The following ORC4 variants were observed in gnomAD, a reference collection of about 807,000 sequenced individuals.
ORC4 encodes the protein origin recognition complex, subunit 4 homolog.
A neutral mutation model predicts 63.9 loss-of-function variants in ORC4; 55 were observed. The ratio of observed to expected loss-of-function variants is 0.86; its 90% CI spans 0.69 to 1.08. The LOEUF (loss-of-function observed/expected upper bound fraction) is 1.08, where lower values mean the gene tolerates loss of function less well. Among genes scored for constraint, ORC4 ranks in the 50% least tolerant of loss-of-function variants. The pLI is 0.00. For missense variants in ORC4, 511 were observed against 504.4 expected (o/e 1.01, Z -0.13); for synonymous variants, 150 against 168.5 (o/e 0.89, Z 0.85).
Position 147,958,806 on chromosome 2 carries a change from G to T in ORC4, c.286C>A (p.Gln96Lys). Reference protein sequence around the residue: ...EIEEVSENVLQVHLNGLLQIN... With the variant: ...EIEEVSENVLKVHLNGLLQIN... Reference sequence around the variant, plus strand: ...GCATACTTACCATTTAAGTGAACTTGTAATACATTTTCACTCACTTCTTCT... The same window carrying T: ...GCATACTTACCATTTAAGTGAACTTTTAATACATTTTCACTCACTTCTTCT... The change falls in exon 5 of 14, where the codon CAA becomes AAA. Residue 96 changes from glutamine (Q) to lysine (K), a missense_variant. Coordinates refer to ENST00000392857, the MANE Select transcript of ORC4 (RefSeq NM_181741.4). 1 of 1,457,686 alleles carries T rather than the reference G, an allele frequency of 6.9e-7. No individual in the cohort carries two copies. The highest frequency in any genetic ancestry group is 1.7e-4 in the Middle Eastern group (1 of 5,764). The allele number at this position is 1,457,686 out of a possible 1,614,324, so 90.3% of individuals were successfully genotyped here.
intron 4 of ORC4, among the ~76,000 whole-genome samples, chr2:147,965,201 GA>G (rs1689831513): frequency 6.6e-6 from 1 of 151,930 alleles, no homozygotes; most frequent in Non-Finnish European, 1.5e-5. Context: ...CACCCAACTG[GA>G]AAAATAAATG....
At chr2:147,983,433 C>T (rs1691006189) in intron 1 of ORC4, among the ~76,000 whole-genome samples, 1 of 152,140 alleles carries the variant, frequency 6.6e-6, no homozygotes, top group Admixed American at 6.5e-5. Flanking sequence ...TGGACAATGC[C>T]CCTGGCTACC....
At chr2:147,966,365 A>G (rs1394800686) in intron 4 of ORC4, among the ~76,000 whole-genome samples, 1 of 152,106 alleles carries the variant, frequency 6.6e-6, no homozygotes, top group Admixed American at 6.5e-5. Flanking sequence ...CTAGAAAAGA[A>G]CAAACCAAAC....
intron 1 of ORC4, among the ~76,000 whole-genome samples, chr2:148,011,872 A>C (rs1573901539): frequency 6.6e-6 from 1 of 152,154 alleles, no homozygotes; most frequent in African/African-American, 2.4e-5. Flanking sequence ...ATAGCTACAA[A>C]TAATATTAAA....
chr2:147,972,410 T>C (rs981162512), intron 4 of ORC4, among the ~76,000 whole-genome samples: 2 of 152,066 alleles, frequency 1.3e-5, no homozygotes, highest in African/African-American at 4.8e-5. Context: ...ACATGCTCAA[T>C]ACATGCTATT....
chr2:147,957,257 A>G, intron 6 of ORC4, among the ~76,000 whole-genome samples: 1 of 147,494 alleles, frequency 6.8e-6, no homozygotes, highest in South Asian at 2.1e-4. Flanking sequence ...AATTTTATAG[A>G]GTATATAATT....
chr2:147,969,721 A>T (rs1690098826), intron 4 of ORC4, among the ~76,000 whole-genome samples: 1 of 152,000 alleles, frequency 6.6e-6, no homozygotes, highest in Non-Finnish European at 1.5e-5. Context: ...TTTTCTAATC[A>T]TAAGAAAAAA....
chr2:147,951,954 T>C lies in ORC4; in HGVS notation c.588+419A>G, dbSNP rs1688980318. 2.0e-5 allele frequency among the ~76,000 whole-genome samples: 3 copies of C among 152,220 alleles called. No individual in the cohort carries two copies. The South Asian group carries it at 6.2e-4, about 31-fold the overall frequency. On this transcript the variant is annotated intron_variant, in intron 8 of 13. Coordinates refer to ENST00000392857, the MANE Select transcript of ORC4 (RefSeq NM_181741.4). Reference sequence around the variant, plus strand: ...TCAGTGCTTGGTAGAATCTTTTCCATTTCTGGAGATGTGTACTTTGAAAGT... The same window carrying C: ...TCAGTGCTTGGTAGAATCTTTTCCACTTCTGGAGATGTGTACTTTGAAAGT...
At chr2:147,976,523 C>T (rs192383575) in intron 1 of ORC4, among the ~76,000 whole-genome samples, 61 of 152,170 alleles carry the variant, frequency 4.0e-4, no homozygotes, top group African/African-American at 1.4e-3. Flanking sequence ...CTTACAGCTA[C>T]TCCTCCCTTT....
Position 147,932,447 on chromosome 2 carries a change from A to G in ORC4, c.*3063T>C, listed in dbSNP as rs1324053941. 2 of 152,146 alleles carry G rather than the reference A, an allele frequency of 1.3e-5. No individual in the cohort carries two copies. The highest frequency in any genetic ancestry group is 4.8e-5 in the African/African-American group (2 of 41,428). 9.4% of individuals were successfully genotyped at this position (152,146 alleles called of 1,614,324 possible). ...CAATGACTTTCTTCACAGAATTGGA[A>G]AAAACTACTTAAGTTCATATGGAAC... On this transcript the variant is annotated 3_prime_UTR_variant, in exon 14 of 14. Coordinates refer to ENST00000392857, the MANE Select transcript of ORC4 (RefSeq NM_181741.4).
intron 13 of ORC4, 64 bp downstream of exon 13, chr2:147,938,082 A>G (rs1263905930): frequency 6.5e-6 from 7 of 1,071,434 alleles, no homozygotes; most frequent in Non-Finnish European, 1.0e-5. Flanking sequence ...ATTTTAATAC[A>G]TAATCAAATT....
chr2:147,988,792 C>CAA (rs5835178), intron 1 of ORC4, among the ~76,000 whole-genome samples: 2,136 of 143,126 alleles, frequency 0.015, 34 homozygotes, highest in East Asian at 0.053. Context: ...AAACAAAAAG[C>CAA]AAAAAAAAAA....
chr2:148,000,081 G>T (rs1692207343), intron 1 of ORC4, among the ~76,000 whole-genome samples: 1 of 150,836 alleles, frequency 6.6e-6, no homozygotes, highest in Non-Finnish European at 1.5e-5. Flanking sequence ...CATAAAAAAT[G>T]ACAGAAAAAA....
chr2:148,016,224 T>C (rs1186646143), intron 1 of ORC4, among the ~76,000 whole-genome samples: 2 of 152,158 alleles, frequency 1.3e-5, no homozygotes, highest in Non-Finnish European at 2.9e-5. Context: ...AGATTTTATA[T>C]GACAAGCAAT....
Position 147,964,269 on chromosome 2 carries a change from AC to A in ORC4, c.226-5404del, listed in dbSNP as rs562534900. On this transcript the variant is annotated intron_variant, in intron 4 of 13. Transcript: ENST00000392857. ...AAATTAACAGAGATACCATAAAAAA[AC>A]AAACAGAAATCCTACAGCTGAAGAA... is the stretch of plus-strand genomic sequence containing the variant. Among the ~76,000 whole-genome samples the A allele has an allele frequency of 2.8e-4, 42 of 152,304 alleles. 1 individual carries two copies. The South Asian group carries it at 5.4e-3, about 20-fold the overall frequency.
Position 147,981,322 on chromosome 2 carries a change from G to A in ORC4, c.-17-5347C>T, listed in dbSNP as rs536257416. Among the ~76,000 whole-genome samples the A allele has an allele frequency of 7.9e-5, 12 of 152,272 alleles. No homozygotes were observed. In the South Asian group the frequency reaches 1.9e-3, roughly 24 times the overall value. On this transcript the variant is annotated intron_variant, in intron 1 of 13. Coordinates refer to ENST00000392857, the MANE Select transcript of ORC4 (RefSeq NM_181741.4). ...AATACACAGCATGGATACGCTGGAC[G>A]AAGAAATTATGTATGTCCCAGGCAA...
At chr2:147,941,112 T>C (rs1299245510) in intron 10 of ORC4, among the ~76,000 whole-genome samples, 1 of 152,132 alleles carries the variant, frequency 6.6e-6, no homozygotes, top group Non-Finnish European at 1.5e-5. Flanking sequence ...TATATAAATA[T>C]ATTGTATCTT....
chr2:147,973,318 G>C, intron 3 of ORC4, 130 bp downstream of exon 3: 1 of 691,020 alleles, frequency 1.4e-6, no homozygotes, highest in African/African-American at 1.8e-5. Flanking sequence ...TATTCACAAA[G>C]CAAAATTTTT....
chr2:148,002,710 A>G lies in ORC4; in HGVS notation c.-18+17923T>C, dbSNP rs565157049. 5.9e-5 allele frequency among the ~76,000 whole-genome samples: 9 copies of G among 152,274 alleles called. No homozygotes were observed. The East Asian group carries it at 1.7e-3, about 29-fold the overall frequency. The stretch of plus-strand genomic sequence containing the variant: ...ACATCACAATTAAAAAAACTAGAGA[A>G]GCAAGAGCAAACAAATTCAAAAGCC... On this transcript the variant is annotated intron_variant, in intron 1 of 13. Coordinates refer to ENST00000392857, the MANE Select transcript of ORC4 (RefSeq NM_181741.4).
Sources: allele counts gnomAD v4.1 joint callset (sites outside exome capture counted in the v4.1 genomes callset), GRCh38; gene constraint gnomAD v4.1.1; transcripts MANE v1.5; gene names NCBI Gene and HGNC (gene_info 2026-07-23, HGNC 2026-07-21).